AGBL4: variants seen among roughly 807,000 people sequenced by gnomAD.
AGBL4 encodes cytosolic carboxypeptidase 6.
A neutral mutation model predicts 66.4 loss-of-function variants in AGBL4; 58 were observed. The observed-to-expected ratio is 0.87, with a 90% CI of 0.71 to 1.09. AGBL4 has a LOEUF of 1.09. Among genes scored for constraint, AGBL4 ranks in the 50% least tolerant of loss-of-function variants. The pLI is 0.00. For synonymous variants in AGBL4, 234 were observed against 222.9 expected (o/e 1.05, Z -0.44); for missense variants, 579 against 631.0 (o/e 0.92, Z 0.88).
intron 9 of AGBL4, among the ~76,000 whole-genome samples, chr1:48,600,518 T>A (rs2148362903): frequency 6.6e-6 from 1 of 152,348 alleles, no homozygotes; most frequent in South Asian, 2.1e-4. Flanking sequence ...TCCATGCACT[T>A]AAACATGACA....
In AGBL4 at chr1:49,841,055, A is replaced by G. The variant is rs148034028; in HGVS notation, c.157+10341T>C. Among the ~76,000 whole-genome samples the G allele has an allele frequency of 2.8e-3, 425 of 152,344 alleles. 4 individuals carry two copies. Among genetic ancestry groups the G allele is most frequent in the South Asian group, 9.9e-3 (48 of 4,832 alleles). ...AGGCATCCAAACAGGAACAGAAGAA[A>G]TTAAACTATGTTTTGTCACTTGCAA... On this transcript the variant is annotated intron_variant, in intron 2 of 13. Coordinates refer to ENST00000371839, the MANE Select transcript of AGBL4 (RefSeq NM_032785.4).
intron 4 of AGBL4, among the ~76,000 whole-genome samples, chr1:49,183,310 G>T (rs922394353): frequency 1.8e-4 from 28 of 152,076 alleles, no homozygotes; most frequent in Admixed American, 5.2e-4. Context: ...AAATGATTCT[G>T]CCACCTTCTA....
intron 6 of AGBL4, among the ~76,000 whole-genome samples, chr1:48,777,485 T>C (rs1033313135): frequency 6.6e-6 from 1 of 152,034 alleles, no homozygotes; most frequent in Non-Finnish European, 1.5e-5. Flanking sequence ...CGCCTTTTCT[T>C]TGCTTTCTTT....
At chr1:49,060,431 G>A (rs1644382427) in intron 4 of AGBL4, among the ~76,000 whole-genome samples, 1 of 152,104 alleles carries the variant, frequency 6.6e-6, no homozygotes, top group African/African-American at 2.4e-5. Context: ...GTTCTTTATG[G>A]CAATGTGAGA....
intron 1 of AGBL4, among the ~76,000 whole-genome samples, chr1:49,988,284 T>C (rs562764154): frequency 5.9e-5 from 9 of 152,140 alleles, no homozygotes; most frequent in Non-Finnish European, 1.2e-4. Context: ...TATCCATCCA[T>C]TTATCTAGAC....
Position 50,023,763 on chromosome 1 carries a change from C to A in AGBL4, c.34G>T (p.Gly12Cys). 6.5e-7 allele frequency: 1 copy of A among 1,549,624 alleles called. No individual in the cohort carries two copies. Among genetic ancestry groups the A allele is most frequent in the Non-Finnish European group, 8.7e-7 (1 of 1,146,154 alleles). ...AEGSQSAPEAGNDMGNDDAIG... is the reference protein window; with the variant it reads ...AEGSQSAPEACNDMGNDDAIG... Reference sequence around the variant, plus strand: ...CCCCAGATCGGCCGCCCCCACAGACCTGCCTCAGGCGCCGACTGGCTCCCC... The same window carrying A: ...CCCCAGATCGGCCGCCCCCACAGACATGCCTCAGGCGCCGACTGGCTCCCC... Residue 12 changes from glycine (G) to cysteine (C), a missense_variant and splice_region_variant, in exon 1 of 14, where the codon GGC becomes TGC. Gly to Cys is a radical substitution (Grantham distance 159). Transcript: ENST00000371839.
At chr1:48,892,910 G>A (rs3127561) in intron 5 of AGBL4, among the ~76,000 whole-genome samples, 130,758 of 152,052 alleles carry the variant, frequency 0.86, 57,494 homozygotes, top group Non-Finnish European at 0.96. Flanking sequence ...AAATAAGGTC[G>A]CATACACAGG....
At chr1:48,854,681 A>G (rs908510246) in intron 6 of AGBL4, among the ~76,000 whole-genome samples, 4 of 152,174 alleles carry the variant, frequency 2.6e-5, no homozygotes, top group African/African-American at 9.6e-5. Flanking sequence ...CTCTCAGCCA[A>G]TCGGCACAAC....
intron 3 of AGBL4, among the ~76,000 whole-genome samples, chr1:49,258,666 A>G (rs967693152): frequency 4.6e-5 from 7 of 152,234 alleles, no homozygotes; most frequent in African/African-American, 1.7e-4. Flanking sequence ...TGAAAATACC[A>G]AATCTGTGTC....
chr1:49,568,524 A>C (rs377550529), intron 3 of AGBL4, among the ~76,000 whole-genome samples: 35 of 49,904 alleles, frequency 7.0e-4, no homozygotes, highest in Non-Finnish European at 9.9e-4. Context: ...CACACACACA[A>C]ATGCCATGCT....
intron 2 of AGBL4, among the ~76,000 whole-genome samples, chr1:49,750,857 T>C (rs1164047725): frequency 6.6e-6 from 1 of 152,124 alleles, no homozygotes; most frequent in Non-Finnish European, 1.5e-5. Flanking sequence ...GTAATTGTGA[T>C]TGAGAGTTCA....
At chr1:49,370,158 A>T (rs1163642205) in intron 3 of AGBL4, among the ~76,000 whole-genome samples, 3 of 147,436 alleles carry the variant, frequency 2.0e-5, no homozygotes, top group Non-Finnish European at 4.5e-5. Context: ...TATATATATT[A>T]TATATAATAT....
At chr1:49,707,241 T>C (rs1647273332) in intron 2 of AGBL4, among the ~76,000 whole-genome samples, 1 of 152,152 alleles carries the variant, frequency 6.6e-6, no homozygotes. Flanking sequence ...TGGATGCATA[T>C]ATATTTAGGA....
Position 49,662,525 on chromosome 1 carries a change from A to T in AGBL4, c.282+34788T>A, listed in dbSNP as rs549648225. 2.6e-5 allele frequency among the ~76,000 whole-genome samples: 4 copies of T among 152,216 alleles called. No homozygotes were observed. The South Asian group carries it at 8.3e-4, about 32-fold the overall frequency. ...ATATACAGTGGAAAATGAAATGGTA[A>T]GTGATGGCCAACATGCTGTGCCACC... is the stretch of plus-strand genomic sequence containing the variant. On this transcript the variant is annotated intron_variant, in intron 3 of 13. Coordinates refer to ENST00000371839, the MANE Select transcript of AGBL4 (RefSeq NM_032785.4).
chr1:49,938,990 C>G (rs1654434866), intron 1 of AGBL4, among the ~76,000 whole-genome samples: 2 of 152,022 alleles, frequency 1.3e-5, no homozygotes, highest in East Asian at 1.9e-4. Flanking sequence ...AGCTGATAAG[C>G]AACTTCAGCA....
chr1:49,884,115 T>A (rs1173118751), intron 1 of AGBL4, among the ~76,000 whole-genome samples: 1 of 152,050 alleles, frequency 6.6e-6, no homozygotes, highest in East Asian at 1.9e-4. Flanking sequence ...TTCAAACTCT[T>A]TACTCTTCTT....
chr1:49,778,988 G>GA (rs1167338268), intron 2 of AGBL4, among the ~76,000 whole-genome samples: 1 of 152,064 alleles, frequency 6.6e-6, no homozygotes, highest in African/African-American at 2.4e-5. Flanking sequence ...TGCCAGCATG[G>GA]AAAAAAATTT....
intron 4 of AGBL4, among the ~76,000 whole-genome samples, chr1:49,203,435 C>T (rs1557725718): frequency 6.6e-6 from 1 of 151,884 alleles, no homozygotes; most frequent in South Asian, 2.1e-4. Context: ...TATTATTTAG[C>T]CTTAAAAAAG....
intron 3 of AGBL4, among the ~76,000 whole-genome samples, chr1:49,680,092 C>G (rs1351293724): frequency 3.6e-5 from 5 of 137,392 alleles, no homozygotes; most frequent in African/African-American, 1.1e-4. Context: ...TGCTTTGTCA[C>G]CAGGCTGGAG....
Sources: allele counts gnomAD v4.1 joint callset (sites outside exome capture counted in the v4.1 genomes callset), GRCh38; gene constraint gnomAD v4.1.1; transcripts MANE v1.5; gene names NCBI Gene and HGNC (gene_info 2026-07-23, HGNC 2026-07-21).